The following RDM1 variants were observed in gnomAD, a reference collection of about 807,000 sequenced individuals.
The protein encoded by RDM1 is RAD52 motif containing 1.
Under a neutral mutation model 27.7 loss-of-function variants are expected in RDM1, and 28 were observed. The ratio of observed to expected loss-of-function variants is 1.01; its 90% confidence interval spans 0.75 to 1.39. RDM1 has a LOEUF of 1.39. Ranked by LOEUF, RDM1 falls within the 40% of genes most tolerant of loss-of-function variation. The pLI is 0.00. For missense variants in RDM1, 277 were observed against 337.3 expected (o/e 0.82, Z 1.40); for synonymous variants, 124 against 127.5 (o/e 0.97, Z 0.19).
intron 2 of RDM1, 61 bp downstream of exon 2, chr17:35,930,015 A>G: frequency 7.0e-7 from 1 of 1,427,346 alleles, no homozygotes; most frequent in Non-Finnish European, 9.7e-7. Context: ...ACAAATGCTA[A>G]CCTATTATTG....
intron 2 of RDM1, 68 bp from the exon 3 acceptor site, chr17:35,925,705 G>T: frequency 6.5e-7 from 1 of 1,526,800 alleles, no homozygotes; most frequent in Non-Finnish European, 8.9e-7. Flanking sequence ...ATAGATCTGA[G>T]ATTTGTCAAT....
rs1022377749 is a variant in RDM1, at chr17:35,918,093, C to G, written c.*249G>C. 3 of 569,416 alleles carry G rather than the reference C, an allele frequency of 5.3e-6. No individual in the cohort carries two copies. The East Asian group carries it at 8.7e-5, about 17-fold the overall frequency. The allele number at this position is 569,416 out of a possible 1,614,324, so 35.3% of individuals were successfully genotyped here. A position where few individuals can be genotyped will look rare whatever the true frequency, so the allele number is the denominator to read the frequency against. The stretch of plus-strand genomic sequence containing the variant: ...ATTTACCATATCTTTATCTAGGCAA[C>G]CTTTATTAAGTTCCGTTCGAGATCC... On this transcript the variant is annotated 3_prime_UTR_variant, in exon 7 of 7. Coordinates refer to ENST00000620284, the MANE Select transcript of RDM1 (RefSeq NM_145654.4).
At chr17:35,920,151 T>G in intron 6 of RDM1, 36 bp downstream of exon 6, 1 of 987,266 alleles carries the variant, frequency 1.0e-6, no homozygotes, top group South Asian at 1.4e-5. Context: ...ATGGTTACAC[T>G]GGCTATGTTA....
chr17:35,928,662 T>C (rs897616891), intron 2 of RDM1, among the ~76,000 whole-genome samples: 40 of 151,848 alleles, frequency 2.6e-4, no homozygotes, highest in African/African-American at 9.4e-4. Flanking sequence ...CTTGGGAGGC[T>C]GAGGCAGGGG....
At chr17:35,927,318 T>C (rs2089188118) in intron 2 of RDM1, among the ~76,000 whole-genome samples, 1 of 151,980 alleles carries the variant, frequency 6.6e-6, no homozygotes, top group Non-Finnish European at 1.5e-5. Flanking sequence ...TGCACGCCTG[T>C]AATCCCAGCT....
intron 6 of RDM1, among the ~76,000 whole-genome samples, 176 bp downstream of exon 6, chr17:35,920,011 G>T (rs541360330): frequency 6.6e-6 from 1 of 152,066 alleles, no homozygotes; most frequent in Non-Finnish European, 1.5e-5. Flanking sequence ...TCAAATAAGC[G>T]GTCAGAGCCA....
At position 35,930,211 on chromosome 17, in the gene RDM1, T is replaced by C. The variant is rs1006399693; in HGVS notation, c.141A>G (p.Ser47=). Residue 47 remains serine, a synonymous_variant, in exon 2 of 7, where the codon TCA becomes TCG. Coordinates refer to ENST00000620284, the MANE Select transcript of RDM1 (RefSeq NM_145654.4). ...TAFSQFGLLY[S]VRVFPNAAVA... is the part of the protein sequence containing the mutation. ...CTGCAGCATTTGGGAAGACCCGGAC[T>C]GAATACAGAAGGCCAAACTGAGAAA... 1.2e-6 allele frequency: 2 copies of C among 1,614,010 alleles called. No individual in the cohort carries two copies. The highest frequency in any genetic ancestry group is 2.7e-5 in the African/African-American group (2 of 74,898).
Position 35,930,108 on chromosome 17 carries a change from G to A in RDM1, c.244C>T (p.Arg82Trp). The part of the protein sequence containing the change: ...AAHRAQKACD[R>W]KQLFQKSPVK... ...GGAGATTTCTGAAAAAGCTGCTTCC[G>A]GTCGCATGCCTTTTGGGCTCTGTGG... The change falls in exon 2 of 7, where the codon CGG becomes TGG. Residue 82 changes from arginine to tryptophan, a missense_variant. Coordinates refer to ENST00000620284, the MANE Select transcript of RDM1 (RefSeq NM_145654.4). 7 of 1,613,932 alleles carry A rather than the reference G, an allele frequency of 4.3e-6. No individual in the cohort carries two copies. The highest frequency in any genetic ancestry group is 5.9e-6 in the Non-Finnish European group (7 of 1,179,918).
intron 3 of RDM1, among the ~76,000 whole-genome samples, chr17:35,925,314 A>G (rs2089103645): frequency 6.6e-6 from 1 of 152,220 alleles, no homozygotes. Flanking sequence ...AACAGTGGAG[A>G]AAATTACGGA....
chr17:35,929,015 C>A (rs1177106955), intron 2 of RDM1, among the ~76,000 whole-genome samples: 1 of 151,974 alleles, frequency 6.6e-6, no homozygotes, highest in Non-Finnish European at 1.5e-5. Flanking sequence ...GCAGAGGTTG[C>A]AGTGAGCCAA....
chr17:35,925,539 A>G lies in RDM1; in HGVS notation c.375T>C (p.Asn125=). 5 of 1,613,782 alleles carry G rather than the reference A, an allele frequency of 3.1e-6. No individual in the cohort carries two copies. The highest frequency in any genetic ancestry group is 4.2e-6 in the Non-Finnish European group (5 of 1,180,024). The change falls in exon 3 of 7, where the codon AAT becomes AAC. Residue 125 remains asparagine, a synonymous_variant. Coordinates refer to ENST00000620284, the MANE Select transcript of RDM1 (RefSeq NM_145654.4). ...QELANYYFGF[N]GCSKRIIKLQ... Reference sequence around the variant, plus strand: ...CCTTGATGATCCTTTTGGAACACCCATTGAAACCAAAGTAGTAATTCGCCA... The same window carrying G: ...CCTTGATGATCCTTTTGGAACACCCGTTGAAACCAAAGTAGTAATTCGCCA...
intron 4 of RDM1, among the ~76,000 whole-genome samples, chr17:35,923,349 C>CAAAAAAGAA (rs2089019231): frequency 2.1e-5 from 1 of 47,266 alleles, no homozygotes. Context: ...GATTCTGTCT[C>CAAAAAAGAA]AAAAAAAAAA....
rs1206558085 is a variant in RDM1 at position 35,922,605 on chromosome 17, T to C, written c.639A>G (p.Ala213=). Residue 213 remains alanine (A), a synonymous_variant, in exon 5 of 7, where the codon GCA becomes GCG. Coordinates refer to ENST00000620284, the MANE Select transcript of RDM1 (RefSeq NM_145654.4). ...GAACAACAATCAACAGTTTCTGGAA[T>C]GCATCTGACAAAGCCTTCTGAATAG... ...KLAIQKALSD[A]FQKLLIVVLE... The C allele has an allele frequency of 6.2e-7, 1 of 1,611,850 alleles. No individual in the cohort carries two copies. The highest frequency in any genetic ancestry group is 1.1e-5 in the South Asian group (1 of 90,934).
intron 2 of RDM1, among the ~76,000 whole-genome samples, chr17:35,926,858 T>C (rs2089170203): frequency 6.6e-6 from 1 of 151,912 alleles, no homozygotes; most frequent in Non-Finnish European, 1.5e-5. Context: ...GATCTATCGA[T>C]TGAATGAATA....
intron 6 of RDM1, 151 bp from the exon 7 acceptor site, chr17:35,918,594 G>T: frequency 1.5e-6 from 1 of 681,814 alleles, no homozygotes; most frequent in South Asian, 1.8e-5. Context: ...CAGGGAATAA[G>T]TGAAGACTCC....
intron 5 of RDM1, among the ~76,000 whole-genome samples, chr17:35,921,155 A>C (rs1220264053): frequency 6.6e-6 from 1 of 152,226 alleles, no homozygotes; most frequent in East Asian, 1.9e-4. Context: ...TAGAGCCATC[A>C]GGCTTTTGGT....
chr17:35,922,536 C>T (rs758966551), intron 5 of RDM1, 41 bp downstream of exon 5: 10 of 1,588,586 alleles, frequency 6.3e-6, no homozygotes, highest in Non-Finnish European at 8.5e-6. Flanking sequence ...TATTTGCTTA[C>T]TGAAACTGAA....
chr17:35,918,579 G>T, intron 6 of RDM1, 136 bp from the exon 7 acceptor site: 1 of 722,580 alleles, frequency 1.4e-6, no homozygotes, highest in South Asian at 1.7e-5. Flanking sequence ...TTAGGTAGGG[G>T]CTGCCAGGGA....
intron 5 of RDM1, among the ~76,000 whole-genome samples, chr17:35,921,252 G>A (rs1598661320): frequency 6.6e-6 from 1 of 152,222 alleles, no homozygotes; most frequent in Non-Finnish European, 1.5e-5. Context: ...CTTAAATGTT[G>A]TTACTCAGAC....
Sources: gnomAD v4.1 joint callset for allele counts (sites outside exome capture counted in the v4.1 genomes callset) on GRCh38, gnomAD v4.1.1 for gene constraint, MANE v1.5 for transcripts, NCBI Gene and HGNC (gene_info 2026-07-23, HGNC 2026-07-21) for gene names.